The following FASTKD1 variants were observed in gnomAD, a reference collection of about 807,000 sequenced individuals.
FASTKD1 encodes the protein FAST kinase domain-containing protein 1, mitochondrial.
FASTKD1 carries 94 observed loss-of-function variants against 90.9 expected under a neutral mutation model. The observed-to-expected ratio is 1.03, with a 90% confidence interval of 0.88 to 1.23. The LOEUF (loss-of-function observed/expected upper bound fraction) is 1.23. FASTKD1 is among the 50% of genes most tolerant of loss of function. FASTKD1 has a pLI of 0.00. For missense variants in FASTKD1, 945 were observed against 993.5 expected (o/e 0.95, Z 0.66); for synonymous variants, 319 against 345.8 (o/e 0.92, Z 0.86).
intron 3 of FASTKD1, among the ~76,000 whole-genome samples, chr2:169,564,088 T>A (rs921713951): frequency 1.3e-5 from 2 of 152,152 alleles, no homozygotes; most frequent in African/African-American, 4.8e-5. Flanking sequence ...ATAGCAATGA[T>A]CAGTATATTA....
Position 169,563,220 on chromosome 2 carries a change from T to C in FASTKD1, c.572+5A>G. 6.2e-7 allele frequency: 1 copy of C among 1,608,408 alleles called. No individual in the cohort carries two copies. The highest frequency in any genetic ancestry group is 1.1e-5 in the South Asian group (1 of 90,516). On this transcript the variant is annotated splice_donor_5th_base_variant and intron_variant, in intron 4 of 14. Transcript: ENST00000453153. ...CACAACACAAGATTCCCTAAATAAA[T>C]TTACCTTAAGTCCTGTGTGGTTTCC...
At chr2:169,565,136 T>G (rs1233318589) in intron 3 of FASTKD1, among the ~76,000 whole-genome samples, 2 of 150,670 alleles carry the variant, frequency 1.3e-5, no homozygotes, top group South Asian at 4.2e-4. Context: ...GTATTTTTAG[T>G]AGAGACAGGG....
In FASTKD1 at chr2:169,535,993, G is replaced by A. The variant is rs145258051; in HGVS notation, c.2188+1234C>T. ...TTTTTTTTTTCAAGTAAGATTTATT[G>A]GGCTGGGCACAGTGGCTCACACCTG... On this transcript the variant is annotated intron_variant, in intron 12 of 14. Transcript: ENST00000453153. 3.8e-3 allele frequency among the ~76,000 whole-genome samples: 559 copies of A among 148,922 alleles called. 3 individuals carry two copies. Among genetic ancestry groups the A allele is most frequent in the African/African-American group, 0.013 (509 of 40,400 alleles).
At chr2:169,547,781 A>C (rs753930869) in intron 7 of FASTKD1, among the ~76,000 whole-genome samples, 21 of 146,056 alleles carry the variant, frequency 1.4e-4, no homozygotes, top group Non-Finnish European at 2.8e-4. Flanking sequence ...GCTACTCAGG[A>C]GGTTGAGGCA....
intron 3 of FASTKD1, among the ~76,000 whole-genome samples, chr2:169,564,435 ATT>A (rs869250764): frequency 1.3e-5 from 2 of 151,936 alleles, no homozygotes; most frequent in East Asian, 1.9e-4. Flanking sequence ...TAAAAAAAAA[ATT>A]TTTTTTGTGG....
Position 169,531,359 on chromosome 2 carries a change from C to T in FASTKD1, c.2320G>A (p.Ala774Thr). 2 of 1,613,486 alleles carry T rather than the reference C, an allele frequency of 1.2e-6. No individual in the cohort carries two copies. The highest frequency in any genetic ancestry group is 1.7e-5 in the Admixed American group (1 of 59,986). Residue 774 changes from alanine (A) to threonine (T), a missense_variant, in exon 13 of 15, where the codon GCT becomes ACT. Transcript: ENST00000453153. ...AACTAAGAAATAAATTACCTTTCAGCCCCTGGTGGCAGCCTTGATCCAACT... is the reference window on the plus strand; with the variant it reads ...AACTAAGAAATAAATTACCTTTCAGTCCCTGGTGGCAGCCTTGATCCAACT... ...EIVGSRLPPG[A>T]ERIALEFLDS...
At chr2:169,534,561 G>A (rs1017068040) in intron 12 of FASTKD1, among the ~76,000 whole-genome samples, 5 of 149,222 alleles carry the variant, frequency 3.4e-5, no homozygotes, top group Non-Finnish European at 5.9e-5. Flanking sequence ...CCGGGTTCAA[G>A]CGATTCTCCT....
At chr2:169,565,242 C>A (rs568238385) in intron 3 of FASTKD1, among the ~76,000 whole-genome samples, 12 of 132,952 alleles carry the variant, frequency 9.0e-5, no homozygotes, top group African/African-American at 3.4e-4. Flanking sequence ...TGAGCCACCA[C>A]ACCAGGCTTT....
chr2:169,570,800 A>G (rs1338852407), intron 2 of FASTKD1, among the ~76,000 whole-genome samples: 1 of 151,152 alleles, frequency 6.6e-6, no homozygotes, highest in African/African-American at 2.4e-5. Context: ...CTCAGCCTCC[A>G]GAGTAGCTGG....
At position 169,560,534 on chromosome 2, in the gene FASTKD1, T is replaced by C. The variant is rs773100597; in HGVS notation, c.824A>G (p.Tyr275Cys). 3 of 1,603,628 alleles carry C rather than the reference T, an allele frequency of 1.9e-6. No homozygotes were observed. The highest frequency in any genetic ancestry group is 2.6e-6 in the Non-Finnish European group (3 of 1,175,678). Residue 275 changes from tyrosine to cysteine, a missense_variant, in exon 5 of 15, where the codon TAC becomes TGC. Tyr to Cys is a radical substitution (Grantham distance 194). Transcript: ENST00000453153. ...AAAACTATTAAATTGTAGAAATTTG[T>C]ATACACTAAGTATTTTACTGATGGA... ...LDSISKILSV[Y>C]KFLQFNSFEF...
rs374642925 is a variant in FASTKD1, at chr2:169,555,147, C to T, written c.1191G>A (p.Ala397=). 1.0e-4 allele frequency: 169 copies of T among 1,609,952 alleles called. No individual in the cohort carries two copies. The highest frequency in any genetic ancestry group is 1.4e-4 in the Non-Finnish European group (162 of 1,178,948). ...FLHFQRKEFF[A]KLRELLLSYL... is the part of the protein sequence containing the mutation. ...ACCTAAGCAGTAATTCTCTAAGTTT[C>T]GCAAAAAACTCCTTCCTTTGGAAAT... The change falls in exon 7 of 15, where the codon GCG becomes GCA. Residue 397 remains alanine (A), a synonymous_variant. Coordinates refer to ENST00000453153, the MANE Select transcript of FASTKD1 (RefSeq NM_024622.6).
intron 5 of FASTKD1, among the ~76,000 whole-genome samples, chr2:169,559,051 T>G (rs1000769380): frequency 1.3e-5 from 2 of 151,762 alleles, no homozygotes; most frequent in East Asian, 3.9e-4. Flanking sequence ...CTTGGCTTAC[T>G]GCAACCTGCA....
rs1685575107 is a variant in FASTKD1, at chr2:169,553,247, T to G, written c.1214+1877A>C. ...ATAAAAATAAATAAAAACATAAAAA[T>G]ATAGAAAATTTTTTAAAAGCATGCA... On this transcript the variant is annotated intron_variant, in intron 7 of 14. Coordinates refer to ENST00000453153, the MANE Select transcript of FASTKD1 (RefSeq NM_024622.6). Among the ~76,000 whole-genome samples, 6 of 43,144 alleles carry G rather than the reference T, an allele frequency of 1.4e-4. No individual in the cohort carries two copies. The South Asian group carries it at 3.2e-3, about 23-fold the overall frequency. 28.3% of individuals were successfully genotyped at this position (43,144 alleles called of 152,430 possible).
intron 2 of FASTKD1, among the ~76,000 whole-genome samples, chr2:169,570,080 C>A (rs1239657479): frequency 2.0e-5 from 3 of 152,088 alleles, no homozygotes; most frequent in Non-Finnish European, 4.4e-5. Flanking sequence ...AATGCCAATT[C>A]TCTTACAAAA....
rs141574867 is a variant in FASTKD1, at chr2:169,571,869, C to T, written c.161G>A (p.Gly54Asp). 715 of 1,614,002 alleles carry T rather than the reference C, an allele frequency of 4.4e-4. 1 individual carries two copies. In the African/African-American group the frequency reaches 8.1e-3, roughly 18 times the overall value. Reference sequence around the variant, plus strand: ...TATGGCTTTGTTTCTTTCAATAAAACCAAACATTTGCTCCTCATCTGTACA... The same window carrying T: ...TATGGCTTTGTTTCTTTCAATAAAATCAAACATTTGCTCCTCATCTGTACA... ...NKCTDEEQMF[G>D]FIERNKAILS... is the part of the protein sequence containing the mutation. Residue 54 changes from glycine to aspartate, a missense_variant, in exon 2 of 15, where the codon GGT (glycine) becomes GAT (aspartate). Gly to Asp is a moderately conservative substitution (Grantham distance 94, BLOSUM62 -1). Transcript: ENST00000453153.
intron 9 of FASTKD1, among the ~76,000 whole-genome samples, chr2:169,541,798 A>T (rs1466292077): frequency 6.6e-6 from 1 of 152,052 alleles, no homozygotes; most frequent in Non-Finnish European, 1.5e-5. Context: ...GCAGAGCAAA[A>T]AGATCTGAGG....
intron 7 of FASTKD1, among the ~76,000 whole-genome samples, chr2:169,553,295 T>G (rs1451840377): frequency 1.7e-5 from 1 of 60,310 alleles, no homozygotes; most frequent in Non-Finnish European, 3.4e-5. Flanking sequence ...AAAAACCCAC[T>G]GTGCAGACAT....
At chr2:169,557,140 C>T (rs1258900122) in intron 6 of FASTKD1, 47 bp downstream of exon 6, 2 of 1,214,080 alleles carry the variant, frequency 1.6e-6, no homozygotes, top group Non-Finnish European at 2.4e-6. Context: ...AAAATAGGTG[C>T]TTGTGAATGA....
chr2:169,537,021 T>C (rs943335700), intron 12 of FASTKD1: 4 of 248,606 alleles, frequency 1.6e-5, no homozygotes, highest in East Asian at 1.9e-4. Context: ...TTCTAAAGAA[T>C]AGAAAACGCT....
Sources: allele counts gnomAD v4.1 joint callset (sites outside exome capture counted in the v4.1 genomes callset), GRCh38; gene constraint gnomAD v4.1.1; transcripts MANE v1.5; gene names NCBI Gene and HGNC (gene_info 2026-07-23, HGNC 2026-07-21).